SDCCAG8: variants seen among roughly 807,000 people sequenced by gnomAD.
The protein encoded by SDCCAG8 is serologically defined colon cancer antigen 8.
In SDCCAG8, 74 loss-of-function variants were observed where a neutral mutation model predicts 101.8. The observed-to-expected ratio is 0.73, with a 90% CI of 0.60 to 0.88. The LOEUF (loss-of-function observed/expected upper bound fraction) is 0.88. Ranked by LOEUF, SDCCAG8 falls within the 40% of genes least tolerant of loss-of-function variation. SDCCAG8 has a pLI of 0.00. For synonymous variants in SDCCAG8, 281 were observed against 292.9 expected, an observed-to-expected ratio of 0.96 and a Z score of 0.41; for missense variants, 787 against 822.6, an observed-to-expected ratio of 0.96 and a Z score of 0.53.
chr1:243,284,309 C>T (rs1452422779), intron 4 of SDCCAG8, among the ~76,000 whole-genome samples: 2 of 152,194 alleles, frequency 1.3e-5, no homozygotes, highest in Admixed American at 1.3e-4. Flanking sequence ...AAATTTCCTT[C>T]AGTGTCCTGG....
intron 9 of SDCCAG8, among the ~76,000 whole-genome samples, chr1:243,327,495 AT>A (rs1266138515): frequency 1.2e-4 from 15 of 124,212 alleles, no homozygotes; most frequent in East Asian, 4.0e-4. Context: ...TAAAATTATA[AT>A]TTATAATTTT....
At chr1:243,261,835 A>G (rs2067212146) in intron 1 of SDCCAG8, among the ~76,000 whole-genome samples, 1 of 151,054 alleles carries the variant, frequency 6.6e-6, no homozygotes, top group Non-Finnish European at 1.5e-5. Context: ...TTTGTTTTAT[A>G]TATTCATGTG....
chr1:243,431,379 C>T (rs553628184), intron 16 of SDCCAG8, among the ~76,000 whole-genome samples: 15 of 152,178 alleles, frequency 9.9e-5, no homozygotes, highest in African/African-American at 2.6e-4. Flanking sequence ...GTGTCAAGGA[C>T]GACACCCATA....
chr1:243,433,821 G>A (rs2081959755), intron 16 of SDCCAG8, among the ~76,000 whole-genome samples: 1 of 152,060 alleles, frequency 6.6e-6, no homozygotes, highest in African/African-American at 2.4e-5. Context: ...CAATTCTTAT[G>A]GACAGTTTCA....
chr1:243,322,941 C>T (rs2073872511), intron 9 of SDCCAG8, among the ~76,000 whole-genome samples: 2 of 151,926 alleles, frequency 1.3e-5, no homozygotes, highest in African/African-American at 4.8e-5. Context: ...TTGAGACCAT[C>T]CTGGCCAATG....
At chr1:243,414,876 C>CACATGT (rs1458830902) in intron 13 of SDCCAG8, among the ~76,000 whole-genome samples, 2 of 115,172 alleles carry the variant, frequency 1.7e-5, no homozygotes, top group African/African-American at 2.8e-5. Flanking sequence ...TGTGTGTGTG[C>CACATGT]ACATGTACAT....
In SDCCAG8 at chr1:243,415,752, A is replaced by G. The variant is rs761699906; in HGVS notation, c.1667A>G (p.Gln556Arg). The change falls in exon 14 of 18, where the codon CAA becomes CGA. Residue 556 changes from glutamine (Q) to arginine (R), a missense_variant. Coordinates refer to ENST00000366541, the MANE Select transcript of SDCCAG8 (RefSeq NM_006642.5). ...QQSFSKEAKA[Q>R]ALQAQQREQE... is the part of the protein sequence containing the mutation. ...AGCTTTAGCAAGGAAGCAAAGGCCC[A>G]AGCCCTTCAGGCCCAGCAAAGAGAG... 1 of 1,613,862 alleles carries G rather than the reference A, an allele frequency of 6.2e-7. No individual in the cohort carries two copies. Among genetic ancestry groups the G allele is most frequent in the Non-Finnish European group, 8.5e-7 (1 of 1,179,810 alleles).
At chr1:243,435,884 A>T (rs2082096338) in intron 16 of SDCCAG8, among the ~76,000 whole-genome samples, 2 of 151,984 alleles carry the variant, frequency 1.3e-5, no homozygotes, top group South Asian at 4.2e-4. Flanking sequence ...ACTCTAAAAA[A>T]TTTTTTTATG....
intron 8 of SDCCAG8, among the ~76,000 whole-genome samples, chr1:243,312,011 A>G (rs2149325003): frequency 6.6e-6 from 1 of 152,336 alleles, no homozygotes; most frequent in South Asian, 2.1e-4. Context: ...CCTTGTCAGC[A>G]TATCATTGTC....
intron 16 of SDCCAG8, among the ~76,000 whole-genome samples, chr1:243,472,478 A>G (rs11581571): frequency 2.0e-5 from 3 of 152,174 alleles, no homozygotes; most frequent in Admixed American, 6.5e-5. Context: ...CTCCTTTCTC[A>G]CAGGCAATGA....
At chr1:243,295,324 G>C (rs1337757950) in intron 6 of SDCCAG8, among the ~76,000 whole-genome samples, 1 of 152,162 alleles carries the variant, frequency 6.6e-6, no homozygotes, top group African/African-American at 2.4e-5. Flanking sequence ...CACAACCTCA[G>C]CCTCCCGGGT....
chr1:243,365,747 T>C (rs1274752430), intron 12 of SDCCAG8, among the ~76,000 whole-genome samples: 1 of 152,124 alleles, frequency 6.6e-6, no homozygotes, highest in Non-Finnish European at 1.5e-5. Context: ...TTATCCAGCT[T>C]TCTTTGGAAA....
chr1:243,464,766 G>A (rs1659803125), intron 16 of SDCCAG8, among the ~76,000 whole-genome samples: 1 of 152,240 alleles, frequency 6.6e-6, no homozygotes, highest in Non-Finnish European at 1.5e-5. Flanking sequence ...AGGCAGGCAA[G>A]CATGCTTGCA....
intron 12 of SDCCAG8, among the ~76,000 whole-genome samples, chr1:243,362,014 G>T (rs1383475940): frequency 6.7e-6 from 1 of 149,320 alleles, no homozygotes; most frequent in Non-Finnish European, 1.5e-5. Flanking sequence ...AGATGGCCAA[G>T]TGACTGCCTC....
intron 13 of SDCCAG8, among the ~76,000 whole-genome samples, chr1:243,385,601 A>G (rs926934275): frequency 6.6e-6 from 1 of 152,060 alleles, no homozygotes; most frequent in Non-Finnish European, 1.5e-5. Flanking sequence ...GCATGTATGT[A>G]TAAGAGTAAG....
intron 16 of SDCCAG8, among the ~76,000 whole-genome samples, chr1:243,431,984 G>A (rs2081807606): frequency 6.6e-6 from 1 of 152,244 alleles, no homozygotes; most frequent in Middle Eastern, 3.4e-3. Flanking sequence ...TTTAAAATAG[G>A]TAATTCTTCT....
At chr1:243,321,216 A>G (rs1433701222) in intron 9 of SDCCAG8, among the ~76,000 whole-genome samples, 2 of 152,180 alleles carry the variant, frequency 1.3e-5, no homozygotes, top group Non-Finnish European at 2.9e-5. Context: ...AGCATTTATC[A>G]AAATGTATTA....
chr1:243,288,839 C>A (rs2069901578), intron 5 of SDCCAG8, among the ~76,000 whole-genome samples: 1 of 151,836 alleles, frequency 6.6e-6, no homozygotes, highest in Non-Finnish European at 1.5e-5. Flanking sequence ...AAACCCAACT[C>A]TACTAAAAAT....
At chr1:243,280,397 GT>G (rs59546356) in intron 4 of SDCCAG8, among the ~76,000 whole-genome samples, 3,311 of 151,612 alleles carry the variant, frequency 0.022, 50 homozygotes, top group Middle Eastern at 0.034. Flanking sequence ...TTTTGGTTTT[GT>G]TGTTTTTCTC....
Sources: allele counts gnomAD v4.1 joint callset (sites outside exome capture counted in the v4.1 genomes callset), GRCh38; gene constraint gnomAD v4.1.1; transcripts MANE v1.5; gene names NCBI Gene and HGNC (gene_info 2026-07-23, HGNC 2026-07-21).